Variants in SPATA6L observed in about 807,000 individuals in gnomAD.
The protein encoded by SPATA6L is spermatogenesis associated 6-like protein.
A neutral mutation model predicts 49.2 loss-of-function variants in SPATA6L; 68 were observed. The ratio of observed to expected loss-of-function variants is 1.38; its 90% confidence interval spans 1.14 to 1.69. The LOEUF (loss-of-function observed/expected upper bound fraction) is 1.69, where lower values mean the gene tolerates loss of function less well. Ranked by LOEUF, SPATA6L falls within the 40% of genes most tolerant of loss-of-function variation. SPATA6L has a pLI of 0.00. For missense variants in SPATA6L, 668 were observed against 464.3 expected, an observed-to-expected ratio of 1.44 and a Z score of -4.03; for synonymous variants, 198 against 165.7, an observed-to-expected ratio of 1.19 and a Z score of -1.50.
intron 3 of SPATA6L, among the ~76,000 whole-genome samples, chr9:4,654,609 G>T (rs1203226937): frequency 1.3e-5 from 2 of 152,204 alleles, no homozygotes; most frequent in African/African-American, 4.8e-5. Flanking sequence ...GAATGAGTGT[G>T]AGGTTTTATT....
chr9:4,664,878 T>A (rs1840634821), intron 1 of SPATA6L: 1 of 167,120 alleles, frequency 6.0e-6, no homozygotes, highest in African/African-American at 2.4e-5. Context: ...GAATACCGAC[T>A]ACCTCTTCAC....
At chr9:4,636,891 C>T (rs1383111971) in intron 3 of SPATA6L, among the ~76,000 whole-genome samples, 2 of 152,206 alleles carry the variant, frequency 1.3e-5, no homozygotes, top group African/African-American at 2.4e-5. Flanking sequence ...CAGCAATGTA[C>T]TTCCACCATG....
intron 9 of SPATA6L, among the ~76,000 whole-genome samples, chr9:4,607,875 T>C (rs1407753771): frequency 2.7e-5 from 4 of 150,382 alleles, no homozygotes; most frequent in Non-Finnish European, 6.0e-5. Flanking sequence ...TCAAGACCCA[T>C]CAGTGTGCTG....
chr9:4,635,488 G>A (rs1043532773), intron 3 of SPATA6L, 89 bp from the exon 4 acceptor site: 2 of 1,314,840 alleles, frequency 1.5e-6, no homozygotes, highest in Non-Finnish European at 1.0e-6. Context: ...TGGCAGAGAT[G>A]GCACTCAGGT....
chr9:4,634,401 C>A (rs3852394), intron 4 of SPATA6L, among the ~76,000 whole-genome samples: 1 of 151,910 alleles, frequency 6.6e-6, no homozygotes, highest in East Asian at 1.9e-4. Context: ...CTTGGGGTTA[C>A]AGTCATCAGG....
chr9:4,603,957 C>T (rs1029128849), intron 11 of SPATA6L, among the ~76,000 whole-genome samples: 1 of 152,076 alleles, frequency 6.6e-6, no homozygotes, highest in Admixed American at 6.5e-5. Flanking sequence ...GGTGATGTTG[C>T]GGGCAGGGGA....
intron 9 of SPATA6L, among the ~76,000 whole-genome samples, chr9:4,610,399 C>T (rs1163908034): frequency 2.1e-5 from 3 of 145,846 alleles, no homozygotes; most frequent in South Asian, 4.7e-4. Context: ...TCAAACTATA[C>T]TACAAGGCTA....
At chr9:4,638,202 T>C (rs72694070) in intron 3 of SPATA6L, among the ~76,000 whole-genome samples, 4,278 of 146,012 alleles carry the variant, frequency 0.029, 88 homozygotes, top group Middle Eastern at 0.049. Context: ...AAGATGGGTG[T>C]AATTATTATT....
rs16921609 is a variant in SPATA6L at position 4,614,461 on chromosome 9, G to C, written c.995+3462C>G. 5.6e-3 allele frequency among the ~76,000 whole-genome samples: 860 copies of C among 152,276 alleles called. 13 individuals carry two copies. Among genetic ancestry groups the C allele is most frequent in the African/African-American group, 0.02 (823 of 41,564 alleles). ...GGTCCTGATATTGCTGGTATGAAAA[G>C]AACACTGAGTGAGTGGAGACACAGT... is the stretch of plus-strand genomic sequence containing the variant. On this transcript the variant is annotated intron_variant, in intron 9 of 11. Coordinates refer to ENST00000682582, the MANE Select transcript of SPATA6L (RefSeq NM_001353486.2).
chr9:4,591,317 G>C (rs1425156146), intron 13 of SPATA6L, among the ~76,000 whole-genome samples: 1 of 152,110 alleles, frequency 6.6e-6, no homozygotes, highest in Non-Finnish European at 1.5e-5. Context: ...AAGGTTATTA[G>C]CTTAGCTTGG....
At chr9:4,656,770 G>T (rs933645830) in intron 2 of SPATA6L, among the ~76,000 whole-genome samples, 1 of 152,136 alleles carries the variant, frequency 6.6e-6, no homozygotes, top group Non-Finnish European at 1.5e-5. Context: ...ATCAACCCCA[G>T]AGTGTTGTTT....
At chr9:4,613,915 A>G (rs1039124643) in intron 9 of SPATA6L, among the ~76,000 whole-genome samples, 10 of 152,176 alleles carry the variant, frequency 6.6e-5, no homozygotes, top group Admixed American at 5.2e-4. Flanking sequence ...GAAGGAATAG[A>G]AATATGTTGA....
At position 4,662,980 on chromosome 9, in the gene SPATA6L, C is replaced by G; in HGVS notation, c.40-944G>C. 1 of 1,612,980 alleles carries G rather than the reference C, an allele frequency of 6.2e-7. No individual in the cohort carries two copies. The highest frequency in any genetic ancestry group is 8.5e-7 in the Non-Finnish European group (1 of 1,179,914). ...CACAACCAGATGGACATGTTTGTCA[C>G]TCTCTCGGTGGACAAGTACTCCTTC... On this transcript the variant is annotated intron_variant, in intron 1 of 11. Coordinates refer to ENST00000682582, the MANE Select transcript of SPATA6L (RefSeq NM_001353486.2). The surrounding 1 kb of genome is among the most constrained non-coding windows in gnomAD (Gnocchi z 4.9).
Position 4,635,399 on chromosome 9 carries a change from A to T in SPATA6L, c.227T>A (p.Met76Lys), listed in dbSNP as rs939302301. 6 of 1,574,606 alleles carry T rather than the reference A, an allele frequency of 3.8e-6. No individual in the cohort carries two copies. The highest frequency in any genetic ancestry group is 1.4e-5 in the African/African-American group (1 of 71,698). Residue 76 changes from methionine (M) to lysine (K), a missense_variant and splice_region_variant, in exon 4 of 12, where the codon ATG becomes AAG. Met to Lys is a moderately conservative substitution (Grantham distance 95). Transcript: ENST00000682582. Reference protein sequence around the residue: ...DPGAVVDLLEMWDELAYYEEN... With the variant: ...DPGAVVDLLEKWDELAYYEEN... ...TTCGTAGTAGGCCAACTCATCCCAC[A>T]CTAGAAAGAAAATAGAAAAAGCATA...
chr9:4,623,205 G>A (rs748329041), intron 6 of SPATA6L, among the ~76,000 whole-genome samples: 26 of 152,124 alleles, frequency 1.7e-4, no homozygotes, highest in Non-Finnish European at 2.6e-4. Context: ...GCTTGAACCC[G>A]GGAGGCGAAG....
chr9:4,615,229 A>G (rs1827695114), intron 9 of SPATA6L, among the ~76,000 whole-genome samples: 1 of 152,208 alleles, frequency 6.6e-6, no homozygotes. Flanking sequence ...CACTATTCAC[A>G]AAGTGCTGCT....
intron 2 of SPATA6L, 130 bp downstream of exon 2, chr9:4,661,769 G>GGCCGAC: frequency 1.1e-5 from 10 of 887,758 alleles, no homozygotes; most frequent in South Asian, 2.0e-5. Context: ...GTTTTGCATT[G>GGCCGAC]TGCTGAAGTG....
intron 7 of SPATA6L, 90 bp from the exon 8 acceptor site, chr9:4,618,988 A>C: frequency 1.8e-6 from 2 of 1,121,302 alleles, no homozygotes; most frequent in South Asian, 1.4e-5. Flanking sequence ...GCAGTACAAA[A>C]ATTTTAGACA....
chr9:4,664,475 A>G (rs1016794900), intron 1 of SPATA6L: 6 of 167,086 alleles, frequency 3.6e-5, no homozygotes, highest in Non-Finnish European at 5.9e-5. Context: ...TTCTGTTTAC[A>G]TTGACCTTTA....
Sources: allele counts gnomAD v4.1 joint callset (sites outside exome capture counted in the v4.1 genomes callset), GRCh38; gene constraint gnomAD v4.1.1; non-coding constraint Gnocchi (gnomAD v3.1); transcripts MANE v1.5; gene names NCBI Gene and HGNC (gene_info 2026-07-23, HGNC 2026-07-21).